FAM118B: variants seen among roughly 807,000 people sequenced by gnomAD.
FAM118B encodes SIR2 antiphage like 1.
A neutral mutation model predicts 38.5 loss-of-function variants in FAM118B; 24 were observed. That is an observed-to-expected ratio of 0.62 (90% CI 0.45 to 0.88). FAM118B has a LOEUF of 0.88. FAM118B is among the 40% of genes least tolerant of loss of function. The probability of loss-of-function intolerance (pLI) is 0.00; values close to 1 mark genes in which losing one functional copy is unlikely to be tolerated. For missense variants in FAM118B, 334 were observed against 420.0 expected (o/e 0.80, Z 1.79); for synonymous variants, 138 against 156.3 (o/e 0.88, Z 0.87).
chr11:126,219,950 G>T (rs184339712), intron 1 of FAM118B, among the ~76,000 whole-genome samples: 2 of 151,844 alleles, frequency 1.3e-5, no homozygotes, highest in Admixed American at 1.3e-4. Context: ...TAAAGGGGGG[G>T]CTTATATGTA....
intron 4 of FAM118B, among the ~76,000 whole-genome samples, chr11:126,247,750 C>A (rs187942160): frequency 0.022 from 3,374 of 151,026 alleles, 143 homozygotes; most frequent in African/African-American, 0.079. Flanking sequence ...CCCAGCTACT[C>A]GGGAGGCTGA....
chr11:126,240,730 T>C, intron 3 of FAM118B, 62 bp from the exon 4 acceptor site: 2 of 1,481,796 alleles, frequency 1.3e-6, no homozygotes, highest in African/African-American at 2.8e-5. Flanking sequence ...AGTCAGACAG[T>C]CTTTCTGTGT....
intron 2 of FAM118B, among the ~76,000 whole-genome samples, chr11:126,230,665 T>C (rs1565329018): frequency 6.6e-6 from 1 of 152,240 alleles, no homozygotes; most frequent in African/African-American, 2.4e-5. Context: ...TTTCGTCTGC[T>C]AATATACCCA....
intron 1 of FAM118B, among the ~76,000 whole-genome samples, chr11:126,227,819 G>C (rs1396461797): frequency 6.6e-6 from 1 of 151,894 alleles, no homozygotes; most frequent in East Asian, 1.9e-4. Context: ...ATTTATTTTT[G>C]AGATGGGTTC....
At chr11:126,234,933 G>T in intron 2 of FAM118B, 62 bp from the exon 3 acceptor site, 7 of 1,317,074 alleles carry the variant, frequency 5.3e-6, no homozygotes, top group South Asian at 1.2e-5. Flanking sequence ...TAATATATGT[G>T]CTATTTTGAA....
chr11:126,256,151 A>C lies in FAM118B; in HGVS notation c.697-416A>C, dbSNP rs1950575404. ...CTGGGTGTGGTGGTGCACACTTGTA[A>C]TATACTCGGGAGGCTGAGGCATGAG... On this transcript the variant is annotated intron_variant, in intron 6 of 8. Transcript: ENST00000533050. The surrounding 1 kb of genome is among the most constrained non-coding windows in gnomAD (Gnocchi z 6.6). 6.6e-6 allele frequency among the ~76,000 whole-genome samples: 1 copy of C among 152,122 alleles called. No individual in the cohort carries two copies.
intron 3 of FAM118B, among the ~76,000 whole-genome samples, chr11:126,237,995 TA>T (rs1251190978): frequency 1.6e-4 from 24 of 152,192 alleles, no homozygotes; most frequent in Non-Finnish European, 2.8e-4. Flanking sequence ...GTATAACTGT[TA>T]TGTTGGGGGC....
chr11:126,241,990 A>G (rs1016535000), intron 4 of FAM118B, among the ~76,000 whole-genome samples: 1 of 143,786 alleles, frequency 7.0e-6, no homozygotes, highest in Non-Finnish European at 1.5e-5. Flanking sequence ...GCGCCACTGC[A>G]CTCCAGCCTG....
At chr11:126,226,030 A>C (rs1051093919) in intron 1 of FAM118B, among the ~76,000 whole-genome samples, 19 of 152,250 alleles carry the variant, frequency 1.2e-4, no homozygotes, top group African/African-American at 4.6e-4. Context: ...CATGGAAGGC[A>C]AAAAATAGTC....
At chr11:126,214,508 T>TTTTTTTTTTTTG (rs1382295076) in intron 1 of FAM118B, 1 of 51,302 alleles carries the variant, frequency 1.9e-5, no homozygotes, top group African/African-American at 5.8e-5. Flanking sequence ...TTTTTGTTTT[T>TTTTTTTTTTTTG]TTTTTGTTTT....
At chr11:126,258,948 C>T (rs1422363254) in intron 7 of FAM118B, among the ~76,000 whole-genome samples, 1 of 152,188 alleles carries the variant, frequency 6.6e-6, no homozygotes, top group Non-Finnish European at 1.5e-5. Context: ...TGGAATGGCA[C>T]AAATTCTTTT....
chr11:126,243,564 C>G lies in FAM118B; in HGVS notation c.339+2520C>G, dbSNP rs1442344505. Among the ~76,000 whole-genome samples the G allele has an allele frequency of 2.0e-5, 3 of 151,988 alleles. No individual in the cohort carries two copies. The South Asian group carries it at 6.2e-4, about 32-fold the overall frequency. ...AGTACAACCAGACTGAATGCAGTACCCATGAGGAAGTCAGAGTCTTCTGGG... is the reference window on the plus strand; with the variant it reads ...AGTACAACCAGACTGAATGCAGTACGCATGAGGAAGTCAGAGTCTTCTGGG... On this transcript the variant is annotated intron_variant, in intron 4 of 8. Transcript: ENST00000533050.
chr11:126,232,666 A>T (rs990113460), intron 2 of FAM118B, among the ~76,000 whole-genome samples: 2 of 151,942 alleles, frequency 1.3e-5, no homozygotes, highest in African/African-American at 4.8e-5. Context: ...CAACTTAAAA[A>T]ATATATTTTT....
At chr11:126,215,776 TA>T in intron 1 of FAM118B, among the ~76,000 whole-genome samples, 1 of 148,788 alleles carries the variant, frequency 6.7e-6, no homozygotes, top group Middle Eastern at 3.8e-3. Flanking sequence ...TTGGGAGGCC[TA>T]GCGGGGAGGA....
intron 1 of FAM118B, among the ~76,000 whole-genome samples, chr11:126,218,568 A>T (rs1778486774): frequency 1.3e-5 from 2 of 152,214 alleles, no homozygotes; most frequent in Admixed American, 1.3e-4. Flanking sequence ...AGCCTCTGAA[A>T]CAGTGCCTGG....
Position 126,261,495 on chromosome 11 carries a change from T to C in FAM118B, c.1042+11T>C. 1.9e-6 allele frequency: 3 copies of C among 1,607,534 alleles called. No individual in the cohort carries two copies. The highest frequency in any genetic ancestry group is 1.1e-5 in the South Asian group (1 of 90,930). On this transcript the variant is annotated intron_variant, in intron 8 of 8. Transcript: ENST00000533050. ...ACAGTGAAATAAGAGGTATACTGTT[T>C]CCTATTCTACTATTTATCACTCTGT...
rs76626664 is a variant in FAM118B at position 126,240,420 on chromosome 11, C to T, written c.87-372C>T. ...CTCTTTTTCTAGAGTACAAATCAAA[C>T]GTCTTCTTTTGAAATTTAATACTGG... On this transcript the variant is annotated intron_variant, in intron 3 of 8. Transcript: ENST00000533050. Among the ~76,000 whole-genome samples, 1,042 of 152,048 alleles carry T rather than the reference C, an allele frequency of 6.9e-3. 4 individuals are homozygous for T. The highest frequency in any genetic ancestry group is 0.015 in the African/African-American group (627 of 41,480).
intron 1 of FAM118B, among the ~76,000 whole-genome samples, chr11:126,215,995 C>T (rs1036737723): frequency 1.3e-5 from 2 of 152,088 alleles, no homozygotes; most frequent in Admixed American, 1.3e-4. Flanking sequence ...GCCTGGGTGA[C>T]AGAGACAGAC....
intron 2 of FAM118B, among the ~76,000 whole-genome samples, chr11:126,234,189 G>T (rs761509031): frequency 1.7e-4 from 26 of 152,304 alleles, no homozygotes; most frequent in Non-Finnish European, 2.9e-4. Flanking sequence ...ACCCCAAACG[G>T]TGGTAGTATG....
Sources: allele counts gnomAD v4.1 joint callset (sites outside exome capture counted in the v4.1 genomes callset), GRCh38; gene constraint gnomAD v4.1.1; non-coding constraint Gnocchi (gnomAD v3.1); transcripts MANE v1.5; gene names NCBI Gene and HGNC (gene_info 2026-07-23, HGNC 2026-07-21).